BRD10: variants seen among roughly 807,000 people sequenced by gnomAD.
BRD10 encodes uncharacterized bromodomain-containing protein 10.
At chr9:6,000,596 G>C in the BRD10 span, among the ~76,000 whole-genome samples, 46 of 152,230 alleles carry the variant, frequency 3.0e-4, no homozygotes, top group African/African-American at 1.0e-3. Context: ...AATCTGTTAG[G>C]ACATTTTTAT....
At chr9:5,978,922 T>A in the BRD10 span, among the ~76,000 whole-genome samples, 2 of 152,216 alleles carry the variant, frequency 1.3e-5, no homozygotes, top group African/African-American at 4.8e-5. Flanking sequence ...GGTTTGAGAA[T>A]ATAAATTTTC....
chr9:6,003,804 T>C, the BRD10 span, among the ~76,000 whole-genome samples: 1 of 152,050 alleles, frequency 6.6e-6, no homozygotes, highest in Non-Finnish European at 1.5e-5. Context: ...TATTTATAGA[T>C]TACATGCATT....
chr9:5,911,748 T>C, the BRD10 span, among the ~76,000 whole-genome samples: 2 of 152,038 alleles, frequency 1.3e-5, no homozygotes, highest in Non-Finnish European at 2.9e-5. Flanking sequence ...TCGGCCAGGC[T>C]GGTCTTGAAC....
At chr9:5,881,142 C>T in the BRD10 span, among the ~76,000 whole-genome samples, 1 of 152,184 alleles carries the variant, frequency 6.6e-6, no homozygotes, top group Non-Finnish European at 1.5e-5. Flanking sequence ...ACCCCTGACA[C>T]CCTTTTCAAC....
the BRD10 span, among the ~76,000 whole-genome samples, chr9:5,912,710 T>C: frequency 9.9e-5 from 15 of 152,272 alleles, no homozygotes; most frequent in African/African-American, 3.6e-4. Context: ...GCCTCACCCA[T>C]AAGCATGGGC....
the BRD10 span, among the ~76,000 whole-genome samples, chr9:5,929,619 A>G: frequency 6.6e-6 from 1 of 152,114 alleles, no homozygotes; most frequent in Non-Finnish European, 1.5e-5. Context: ...GAAATTTTAC[A>G]ATTATTTTAT....
At chr9:5,921,470 A>G in the BRD10 span, 5 of 1,613,986 alleles carry the variant, frequency 3.1e-6, no homozygotes, top group South Asian at 1.1e-5. Context: ...TGGGGCATTA[A>G]TAAAAACTAA....
At chr9:5,969,088 G>A in the BRD10 span, 13 of 1,613,606 alleles carry the variant, frequency 8.1e-6, no homozygotes, top group African/African-American at 1.3e-5. Flanking sequence ...CTACAGCAGT[G>A]TACCACTGTT....
chr9:5,934,358 C>CTTTTTT, the BRD10 span, among the ~76,000 whole-genome samples: 10 of 129,994 alleles, frequency 7.7e-5, 3 homozygotes, highest in Admixed American at 1.6e-4. Context: ...TTACGCTTTT[C>CTTTTTT]TTTTTTTTTT....
the BRD10 span, chr9:5,922,397 G>A: frequency 1.9e-6 from 3 of 1,613,964 alleles, no homozygotes; most frequent in Non-Finnish European, 2.5e-6. Context: ...AGTCTTAACT[G>A]ATGGTGTTAA....
At chr9:5,883,237 CATTGCAATGCTTT>C in the BRD10 span, among the ~76,000 whole-genome samples, 3 of 151,998 alleles carry the variant, frequency 2.0e-5, no homozygotes, top group Non-Finnish European at 4.4e-5. Flanking sequence ...GGCACATTAC[CATTGCAATGCTTT>C]ATTCCTAAAT....
chr9:5,949,650 T>G, the BRD10 span, among the ~76,000 whole-genome samples: 1 of 151,968 alleles, frequency 6.6e-6, no homozygotes, highest in Non-Finnish European at 1.5e-5. Flanking sequence ...CATGGAAGAT[T>G]TTTTTTTGGT....
chr9:5,949,908 C>T, the BRD10 span, among the ~76,000 whole-genome samples: 1 of 151,876 alleles, frequency 6.6e-6, no homozygotes, highest in Non-Finnish European at 1.5e-5. Flanking sequence ...TCTTTGATTA[C>T]AAAACAGATA....
At chr9:5,955,148 C>T in the BRD10 span, among the ~76,000 whole-genome samples, 2 of 151,696 alleles carry the variant, frequency 1.3e-5, no homozygotes, top group African/African-American at 4.8e-5. Flanking sequence ...TAAAAGTTTT[C>T]CCCCAATTTG....
At chr9:5,927,996 A>C in the BRD10 span, among the ~76,000 whole-genome samples, 1 of 152,200 alleles carries the variant, frequency 6.6e-6, no homozygotes, top group East Asian at 1.9e-4. Flanking sequence ...TTATATGTCT[A>C]AAGAGCATAT....
chr9:5,951,217 G>A, the BRD10 span, among the ~76,000 whole-genome samples: 3 of 151,982 alleles, frequency 2.0e-5, no homozygotes, highest in South Asian at 6.2e-4. Context: ...GATTCTTTCT[G>A]AAGCAAATAG....
the BRD10 span, chr9:5,922,030 C>T: frequency 1.2e-6 from 2 of 1,613,984 alleles, no homozygotes; most frequent in Non-Finnish European, 8.5e-7. Flanking sequence ...ATTTTGGCAC[C>T]AGAAATGCCT....
At chr9:5,896,542 G>C in the BRD10 span, among the ~76,000 whole-genome samples, 1 of 152,198 alleles carries the variant, frequency 6.6e-6, no homozygotes, top group Non-Finnish European at 1.5e-5. Context: ...AGAAGCCTTA[G>C]TTAAACCTTG....
the BRD10 span, among the ~76,000 whole-genome samples, chr9:5,960,259 T>A: frequency 6.6e-6 from 1 of 152,072 alleles, no homozygotes; most frequent in East Asian, 1.9e-4. Flanking sequence ...TAAAGTGATT[T>A]GGGTGAAAAT....
Sources: allele counts gnomAD v4.1 joint callset (sites outside exome capture counted in the v4.1 genomes callset), GRCh38; gene constraint gnomAD v4.1.1; transcripts MANE v1.5; gene names NCBI Gene and HGNC (gene_info 2026-07-23, HGNC 2026-07-21).